Variants in AMY2B observed in about 807,000 individuals in gnomAD.
AMY2B encodes the protein alpha-amylase 2B.
A neutral mutation model predicts 59.3 loss-of-function variants in AMY2B; 63 were observed. The ratio of observed to expected loss-of-function variants is 1.06; its 90% CI spans 0.87 to 1.31. AMY2B has a LOEUF of 1.31. Ranked by LOEUF, AMY2B falls within the 50% of genes most tolerant of loss-of-function variation. The probability of loss-of-function intolerance (pLI) is 0.00; values close to 1 mark genes in which losing one functional copy is unlikely to be tolerated. For missense variants in AMY2B, 635 were observed against 626.7 expected, an observed-to-expected ratio of 1.01 and a Z score of -0.14; for synonymous variants, 180 against 198.1, an observed-to-expected ratio of 0.91 and a Z score of 0.77.
chr1:103,556,319 T>G (rs1651548176), intron 1 of AMY2B, among the ~76,000 whole-genome samples: 1 of 152,120 alleles, frequency 6.6e-6, no homozygotes, highest in Admixed American at 6.6e-5. Flanking sequence ...CCTAGGTGAA[T>G]AAGACAGTGA....
chr1:103,560,526 A>T (rs948894459), intron 1 of AMY2B, among the ~76,000 whole-genome samples: 1 of 151,886 alleles, frequency 6.6e-6, no homozygotes, highest in Admixed American at 6.6e-5. Flanking sequence ...TTTACATTGA[A>T]TTTTTTTTAC....
chr1:103,558,934 A>C (rs1318912961), intron 1 of AMY2B, among the ~76,000 whole-genome samples: 1 of 152,162 alleles, frequency 6.6e-6, no homozygotes, highest in Non-Finnish European at 1.5e-5. Flanking sequence ...TTATTTTGTA[A>C]ACAACATAAT....
chr1:103,559,189 C>CAT (rs1417151425), intron 1 of AMY2B, among the ~76,000 whole-genome samples: 1 of 152,094 alleles, frequency 6.6e-6, no homozygotes, highest in Non-Finnish European at 1.5e-5. Flanking sequence ...TCGTGCACCG[C>CAT]ATATATGATG....
At chr1:103,571,114 T>C (rs1210225401), upstream of AMY2B, 6 of 960,670 alleles carry the variant, frequency 6.2e-6, no homozygotes, top group Non-Finnish European at 7.7e-6. Context: ...TCTGTCAGGG[T>C]TGGAAAGTCC....
chr1:103,570,642 G>GC, upstream of AMY2B: 1 of 589,030 alleles, frequency 1.7e-6, no homozygotes, highest in Non-Finnish European at 3.4e-6. Flanking sequence ...CAATGACTTG[G>GC]CCCCCTCCAT....
At chr1:103,557,158 A>G (rs926214716) in intron 1 of AMY2B, among the ~76,000 whole-genome samples, 1 of 151,870 alleles carries the variant, frequency 6.6e-6, no homozygotes, top group Non-Finnish European at 1.5e-5. Context: ...GCGCACACAC[A>G]CACACACACA....
chr1:103,576,637 T>G (rs1652365859), intron 7 of AMY2B, among the ~76,000 whole-genome samples: 1 of 152,130 alleles, frequency 6.6e-6, no homozygotes, highest in African/African-American at 2.4e-5. Context: ...TTAAAACTGG[T>G]GTCAATTTAT....
chr1:103,563,597 T>C (rs1293341129), intron 1 of AMY2B, among the ~76,000 whole-genome samples: 1 of 152,134 alleles, frequency 6.6e-6, no homozygotes, highest in Non-Finnish European at 1.5e-5. Flanking sequence ...TGAGAAAATA[T>C]ATGATAATGC....
exon 1 of AMY2B, chr1:103,554,998 A>T (rs189680471): frequency 6.6e-6 from 1 of 152,096 alleles, no homozygotes; most frequent in African/African-American, 2.4e-5. Flanking sequence ...CCTGTGTTAT[A>T]CTTCCTATTT....
chr1:103,572,423 T>A (rs1416461302), intron 2 of AMY2B, among the ~76,000 whole-genome samples, 167 bp downstream of exon 2: 1 of 152,222 alleles, frequency 6.6e-6, no homozygotes, highest in East Asian at 1.9e-4. Flanking sequence ...CTTTTGTAAA[T>A]ATTTGTGTAT....
chr1:103,575,609 A>G (rs752210836), intron 7 of AMY2B, 69 bp downstream of exon 7: 2 of 1,585,410 alleles, frequency 1.3e-6, no homozygotes, highest in Non-Finnish European at 1.7e-6. Flanking sequence ...CTAACTTAAT[A>G]TGACAACTAT....
intron 3 of AMY2B, 114 bp downstream of exon 3, chr1:103,573,374 G>T: frequency 1.3e-6 from 2 of 1,535,856 alleles, no homozygotes; most frequent in South Asian, 2.5e-5. Flanking sequence ...TAGGGACACA[G>T]GTTAACAGGT....
chr1:103,577,441 G>A, intron 7 of AMY2B, 49 bp from the exon 8 acceptor site: 2 of 1,611,566 alleles, frequency 1.2e-6, no homozygotes, highest in Non-Finnish European at 1.7e-6. Flanking sequence ...GGAGAAGGAA[G>A]AGGTAAATAT....
intron 1 of AMY2B, chr1:103,562,132 C>T (rs149330689): frequency 6.6e-4 from 100 of 152,162 alleles, no homozygotes; most frequent in African/African-American, 2.4e-3. Flanking sequence ...TTATGTAAGT[C>T]CTCCTCCAAC....
upstream of AMY2B, chr1:103,569,512 T>C (rs966227397): frequency 3.8e-6 from 1 of 266,020 alleles, no homozygotes; most frequent in Admixed American, 4.8e-5. Flanking sequence ...ATGCACCATG[T>C]TGTCCTGCCG....
intron 1 of AMY2B, among the ~76,000 whole-genome samples, chr1:103,559,406 A>T (rs1485458717): frequency 6.6e-6 from 1 of 152,120 alleles, no homozygotes; most frequent in Non-Finnish European, 1.5e-5. Flanking sequence ...TGGCTTAATT[A>T]CCTAAGGGCT....
intron 7 of AMY2B, among the ~76,000 whole-genome samples, chr1:103,576,381 T>A (rs533911854): frequency 5.6e-4 from 85 of 152,316 alleles, no homozygotes; most frequent in African/African-American, 2.0e-3. Flanking sequence ...ACTTTTATAT[T>A]GAGCCAACTT....
intron 1 of AMY2B, among the ~76,000 whole-genome samples, chr1:103,555,764 T>TA (rs1651528166): frequency 6.6e-6 from 1 of 152,138 alleles, no homozygotes; most frequent in Non-Finnish European, 1.5e-5. Flanking sequence ...TTAAAGAGTC[T>TA]TGCGTTCAAG....
At chr1:103,574,795 A>G (rs2101076154) in intron 5 of AMY2B, among the ~76,000 whole-genome samples, 1 of 151,544 alleles carries the variant, frequency 6.6e-6, no homozygotes, top group Middle Eastern at 3.5e-3. Context: ...TTATAACAAT[A>G]CAGTATTGAA....
Sources: allele counts gnomAD v4.1 joint callset (sites outside exome capture counted in the v4.1 genomes callset), GRCh38; gene constraint gnomAD v4.1.1; transcripts MANE v1.5; gene names NCBI Gene and HGNC (gene_info 2026-07-23, HGNC 2026-07-21).